DEPDC5: variants seen among roughly 807,000 people sequenced by gnomAD.
The protein encoded by DEPDC5 is DEP domain containing 5, GATOR1 subcomplex subunit, also known as GATOR1 complex protein DEPDC5.
Under a neutral mutation model 217.3 loss-of-function variants are expected in DEPDC5, and 73 were observed. The ratio of observed to expected loss-of-function variants is 0.34; its 90% CI spans 0.28 to 0.41. The LOEUF (loss-of-function observed/expected upper bound fraction) is 0.41, where lower values mean the gene tolerates loss of function less well. Ranked by LOEUF, DEPDC5 falls within the 10% of genes least tolerant of loss-of-function variation. The pLI is 1.00. For missense variants in DEPDC5, 1,675 were observed against 2,070.1 expected, an observed-to-expected ratio of 0.81 and a Z score of 3.70; for synonymous variants, 733 against 756.7, an observed-to-expected ratio of 0.97 and a Z score of 0.51.
At chr22:31,840,193 G>A (rs550516262) in intron 27 of DEPDC5, among the ~76,000 whole-genome samples, 1 of 152,210 alleles carries the variant, frequency 6.6e-6, no homozygotes, top group South Asian at 2.1e-4. Flanking sequence ...CTAATCTGGT[G>A]GGTCATGGAC....
intron 38 of DEPDC5, among the ~76,000 whole-genome samples, chr22:31,881,798 T>G (rs1182814947): frequency 6.6e-6 from 1 of 151,496 alleles, no homozygotes; most frequent in African/African-American, 2.4e-5. Context: ...ATACAAAAAT[T>G]ACCTGGGTGT....
chr22:31,798,560 T>C (rs2086519163), intron 13 of DEPDC5, 22 bp from the exon 14 acceptor site: 15 of 1,599,164 alleles, frequency 9.4e-6, no homozygotes, highest in Non-Finnish European at 1.1e-5. Context: ...TGTTTTTCTT[T>C]CTCTTGCATA....
intron 34 of DEPDC5, among the ~76,000 whole-genome samples, chr22:31,872,690 G>C (rs2149245610): frequency 6.6e-6 from 1 of 152,230 alleles, no homozygotes; most frequent in East Asian, 1.9e-4. Context: ...GCTTACTAAG[G>C]GCAAGTTTGG....
intron 39 of DEPDC5, among the ~76,000 whole-genome samples, chr22:31,895,280 C>G (rs1173793225): frequency 6.6e-6 from 1 of 152,062 alleles, no homozygotes; most frequent in Non-Finnish European, 1.5e-5. Flanking sequence ...CAAAGAATAA[C>G]CAGCCCAAGA....
intron 35 of DEPDC5, 108 bp from the exon 36 acceptor site, chr22:31,874,165 A>G: frequency 6.9e-7 from 1 of 1,451,838 alleles, no homozygotes; most frequent in Non-Finnish European, 9.3e-7. Context: ...ACATTGCTTT[A>G]TGGTATTAAA....
chr22:31,821,775 T>G, intron 23 of DEPDC5, 138 bp downstream of exon 23: 1 of 1,234,322 alleles, frequency 8.1e-7, no homozygotes, highest in South Asian at 1.7e-5. Flanking sequence ...CTTCCTTTGT[T>G]GGCCAGTGGC....
intron 18 of DEPDC5, among the ~76,000 whole-genome samples, 158 bp from the exon 19 acceptor site, chr22:31,809,453 G>C (rs1050418672): frequency 1.3e-5 from 2 of 152,182 alleles, no homozygotes; most frequent in African/African-American, 2.4e-5. Context: ...TGTGATACGG[G>C]AATAAAGGAC....
At chr22:31,820,188 T>A (rs1430951339) in intron 22 of DEPDC5, among the ~76,000 whole-genome samples, 1 of 152,144 alleles carries the variant, frequency 6.6e-6, no homozygotes, top group Non-Finnish European at 1.5e-5. Flanking sequence ...CTCAGATAAC[T>A]GCAACCTCTG....
intron 23 of DEPDC5, among the ~76,000 whole-genome samples, chr22:31,822,422 G>A (rs954812366): frequency 5.9e-5 from 9 of 152,160 alleles, no homozygotes; most frequent in Middle Eastern, 3.2e-3. Context: ...GGGAGGCATA[G>A]GGAGGCATAG....
chr22:31,801,481 A>G (rs752444989), intron 14 of DEPDC5, among the ~76,000 whole-genome samples: 1 of 152,186 alleles, frequency 6.6e-6, no homozygotes. Context: ...GTTAGCCGAA[A>G]TATATTGTTT....
chr22:31,878,214 A>G (rs955010540), intron 37 of DEPDC5, among the ~76,000 whole-genome samples: 2 of 151,882 alleles, frequency 1.3e-5, no homozygotes, highest in African/African-American at 4.8e-5. Flanking sequence ...CTTACATGAG[A>G]TGAAGCAGCT....
intron 19 of DEPDC5, among the ~76,000 whole-genome samples, 164 bp downstream of exon 19, chr22:31,809,811 C>T (rs2088040243): frequency 6.6e-6 from 1 of 152,086 alleles, no homozygotes; most frequent in South Asian, 2.1e-4. Flanking sequence ...GAAACCCTGT[C>T]TCTACAAAAA....
In DEPDC5 at chr22:31,821,208, C is replaced by T. The variant is rs1255670903; in HGVS notation, c.1871-294C>T. Among the ~76,000 whole-genome samples, 3 of 152,334 alleles carry T rather than the reference C, an allele frequency of 2.0e-5. No individual in the cohort carries two copies. The South Asian group carries it at 6.2e-4, about 32-fold the overall frequency. On this transcript the variant is annotated intron_variant, in intron 22 of 42. Coordinates refer to ENST00000651528, the MANE Select transcript of DEPDC5 (RefSeq NM_001242896.3). The stretch of plus-strand genomic sequence containing the variant: ...TGTGTTAGCCCTCCTGGCAAGGGGC[C>T]ATGCCTCCTATACTTGTATATTTCA...
chr22:31,872,835 C>T (rs1569165467), intron 34 of DEPDC5, among the ~76,000 whole-genome samples: 2 of 151,952 alleles, frequency 1.3e-5, no homozygotes, highest in Non-Finnish European at 1.5e-5. Context: ...GCTCACTGCA[C>T]CCTCCACCTC....
At chr22:31,758,428 C>T (rs1880381751) in intron 2 of DEPDC5, 118 bp from the exon 3 acceptor site, 2 of 825,380 alleles carry the variant, frequency 2.4e-6, no homozygotes, top group Non-Finnish European at 4.1e-6. Context: ...CAAAATAGAA[C>T]CTCATCTGTC....
At chr22:31,822,600 A>G (rs914261111) in intron 23 of DEPDC5, 93 bp from the exon 24 acceptor site, 17 of 1,257,518 alleles carry the variant, frequency 1.4e-5, no homozygotes, top group African/African-American at 3.0e-5. Context: ...CCTGATTTTT[A>G]TGAACCTACC....
chr22:31,892,954 C>A (rs1225418274), intron 38 of DEPDC5, among the ~76,000 whole-genome samples: 2 of 149,788 alleles, frequency 1.3e-5, no homozygotes, highest in South Asian at 2.1e-4. Context: ...CGGCTCACTG[C>A]AACCTCTGCC....
intron 38 of DEPDC5, among the ~76,000 whole-genome samples, chr22:31,886,440 T>G (rs915501977): frequency 3.6e-4 from 55 of 152,132 alleles, no homozygotes; most frequent in Admixed American, 6.6e-5. Flanking sequence ...TCAGTTTAGC[T>G]TTGATAATTC....
chr22:31,887,438 A>AAAAAAAAG (rs2093344085), intron 38 of DEPDC5, among the ~76,000 whole-genome samples: 3 of 151,466 alleles, frequency 2.0e-5, no homozygotes, highest in Admixed American at 2.0e-4. Context: ...AAAAAAAAAA[A>AAAAAAAAG]AGAGAAAAGT....
Sources: gnomAD v4.1 joint callset for allele counts (sites outside exome capture counted in the v4.1 genomes callset) on GRCh38, gnomAD v4.1.1 for gene constraint, MANE v1.5 for transcripts, NCBI Gene and HGNC (gene_info 2026-07-23, HGNC 2026-07-21) for gene names.